Variants in DNAH8 observed in about 807,000 individuals in gnomAD.
The protein encoded by DNAH8 is dynein axonemal heavy chain 8.
In DNAH8, 382 loss-of-function variants were observed where a neutral mutation model predicts 562.1. The ratio of observed to expected loss-of-function variants is 0.68; its 90% CI spans 0.63 to 0.74. The LOEUF (loss-of-function observed/expected upper bound fraction) is 0.74. Among genes scored for constraint, DNAH8 ranks in the 30% least tolerant of loss-of-function variants. The pLI, the probability that DNAH8 is intolerant of heterozygous loss-of-function variation, is 0.00. For missense variants in DNAH8, 5,203 were observed against 5,620.4 expected, an observed-to-expected ratio of 0.93 and a Z score of 2.37; for synonymous variants, 1,881 against 1,919.4, an observed-to-expected ratio of 0.98 and a Z score of 0.52.
chr6:38,840,969 T>C (rs1774730699), intron 33 of DNAH8, among the ~76,000 whole-genome samples: 1 of 152,220 alleles, frequency 6.6e-6, no homozygotes, highest in Non-Finnish European at 1.5e-5. Flanking sequence ...TCTTATTTTT[T>C]TTAGTCATTT....
rs566267166 is a variant in DNAH8, at chr6:38,733,782, G to A, written c.611-692G>A. On this transcript the variant is annotated intron_variant, in intron 4 of 92. Coordinates refer to ENST00000327475, the MANE Select transcript of DNAH8 (RefSeq NM_001206927.2). ...AAGAATTAGCCAGGCATGATGGCGCGTGCTTGTAATCCCAGCTACTTGGGA... is the reference window on the plus strand; with the variant it reads ...AAGAATTAGCCAGGCATGATGGCGCATGCTTGTAATCCCAGCTACTTGGGA... Among the ~76,000 whole-genome samples, 22 of 151,946 alleles carry A rather than the reference G, an allele frequency of 1.4e-4. No individual in the cohort carries two copies. In the South Asian group the frequency reaches 3.5e-3, roughly 24 times the overall value.
intron 85 of DNAH8, among the ~76,000 whole-genome samples, chr6:38,981,536 G>A (rs1005096431): frequency 2.6e-5 from 4 of 152,184 alleles, no homozygotes; most frequent in Non-Finnish European, 4.4e-5. Flanking sequence ...AGACAGACAC[G>A]TCATGTATAC....
At chr6:38,948,332 A>C (rs1243466801) in intron 80 of DNAH8, among the ~76,000 whole-genome samples, 2 of 151,452 alleles carry the variant, frequency 1.3e-5, no homozygotes, top group Non-Finnish European at 2.9e-5. Context: ...TTTTAATTTT[A>C]ATTTTTTTAT....
intron 59 of DNAH8, 85 bp downstream of exon 59, chr6:38,894,949 A>G (rs371023644): frequency 3.2e-5 from 44 of 1,368,324 alleles, no homozygotes; most frequent in South Asian, 3.0e-4. Context: ...TATTTTTGAG[A>G]TGGAGTTTTG....
chr6:38,855,256 A>G (rs1273629538), intron 41 of DNAH8, among the ~76,000 whole-genome samples: 5 of 152,142 alleles, frequency 3.3e-5, no homozygotes, highest in East Asian at 3.8e-4. Context: ...AAATGCAAAA[A>G]ATATAAAAGT....
At chr6:38,788,694 T>C (rs75117603) in intron 18 of DNAH8, among the ~76,000 whole-genome samples, 3,481 of 152,312 alleles carry the variant, frequency 0.023, 129 homozygotes, top group African/African-American at 0.076. Context: ...TTATCAGATA[T>C]ATGATTTGCA....
chr6:38,871,311 T>C (rs1232437986), intron 49 of DNAH8, among the ~76,000 whole-genome samples: 3 of 152,212 alleles, frequency 2.0e-5, no homozygotes, highest in Non-Finnish European at 4.4e-5. Context: ...CAAAGAAATA[T>C]GTGCATGGGG....
intron 18 of DNAH8, among the ~76,000 whole-genome samples, chr6:38,788,960 G>A (rs765061451): frequency 6.6e-6 from 1 of 152,078 alleles, no homozygotes; most frequent in Non-Finnish European, 1.5e-5. Flanking sequence ...GAGTAACGTT[G>A]GTATTGTGGA....
At chr6:38,761,509 TGGCTTTGAACTTCTG>T (rs1766512813) in intron 10 of DNAH8, among the ~76,000 whole-genome samples, 178 bp from the exon 11 acceptor site, 1 of 151,902 alleles carries the variant, frequency 6.6e-6, no homozygotes, top group East Asian at 1.9e-4. Context: ...TTTCCCAGGC[TGGCTTTGAACTTCTG>T]GGCTCAAGTT....
At chr6:38,866,147 G>A (rs1256704589) in intron 45 of DNAH8, among the ~76,000 whole-genome samples, 2 of 152,056 alleles carry the variant, frequency 1.3e-5, no homozygotes, top group African/African-American at 4.8e-5. Context: ...AACTGTGGCT[G>A]CAAAGAATAA....
chr6:39,009,673 C>G (rs1191121854), intron 89 of DNAH8, among the ~76,000 whole-genome samples: 5 of 152,114 alleles, frequency 3.3e-5, no homozygotes, highest in Non-Finnish European at 5.9e-5. Context: ...AGCTAAGTGG[C>G]AGAGCAAGAA....
chr6:38,857,554 G>A lies in DNAH8; in HGVS notation c.5770G>A (p.Asp1924Asn), dbSNP rs267601015. ...LLGIQMLWTHDSEEALRNAKD... is the reference protein window; with the variant it reads ...LLGIQMLWTHNSEEALRNAKD... Reference sequence around the variant, plus strand: ...GGGAATTCAGATGTTGTGGACACACGATTCAGAAGAGGCTTTACGTAATGC... The same window carrying A: ...GGGAATTCAGATGTTGTGGACACACAATTCAGAAGAGGCTTTACGTAATGC... The change falls in exon 42 of 93, where the codon GAT becomes AAT. Residue 1924 changes from aspartate to asparagine, a missense_variant. By Grantham distance (23) the Asp-to-Asn change is conservative. This residue lies in a region of DNAH8 where 2,176 missense variants were observed against 2,365.1 expected (regional missense o/e 0.92). Coordinates refer to ENST00000327475, the MANE Select transcript of DNAH8 (RefSeq NM_001206927.2). 3.1e-6 allele frequency: 5 copies of A among 1,613,512 alleles called. No individual in the cohort carries two copies. The highest frequency in any genetic ancestry group is 1.7e-5 in the Admixed American group (1 of 59,958).
At chr6:38,752,208 G>A (rs186119487) in intron 9 of DNAH8, among the ~76,000 whole-genome samples, 1 of 150,466 alleles carries the variant, frequency 6.6e-6, no homozygotes, top group East Asian at 2.0e-4. Context: ...CTGTCACCCA[G>A]GCTGGAGTGC....
chr6:38,949,611 A>G, intron 81 of DNAH8, 41 bp downstream of exon 81: 3 of 1,150,886 alleles, frequency 2.6e-6, no homozygotes, highest in Non-Finnish European at 3.9e-6. Context: ...ATCACTCATA[A>G]TATTGCTAAA....
intron 17 of DNAH8, among the ~76,000 whole-genome samples, chr6:38,783,828 T>C (rs1311723182): frequency 6.6e-6 from 1 of 152,222 alleles, no homozygotes; most frequent in Non-Finnish European, 1.5e-5. Context: ...TAAACTCTTA[T>C]ACGTGACCTT....
chr6:38,990,387 C>T (rs981664286), intron 88 of DNAH8, among the ~76,000 whole-genome samples: 10 of 152,116 alleles, frequency 6.6e-5, no homozygotes, highest in African/African-American at 1.4e-4. Flanking sequence ...TTTATGACAA[C>T]GTTAAGCTCT....
rs750365801 is a variant in DNAH8, at chr6:38,761,718, T to A, written c.1532T>A (p.Val511Glu). 1 of 1,532,662 alleles carries A rather than the reference T, an allele frequency of 6.5e-7. No homozygotes were observed. The highest frequency in any genetic ancestry group is 1.2e-5 in the South Asian group (1 of 80,282). 94.9% of individuals were successfully genotyped at this position (1,532,662 alleles called of 1,614,324 possible). Residue 511 changes from valine (V) to glutamate (E), a missense_variant, in exon 11 of 93, where the codon GTA becomes GAA. Physicochemically the swap from Val to Glu is moderately radical, Grantham distance 121. This residue lies in a region of DNAH8 where 2,176 missense variants were observed against 2,365.1 expected (regional missense o/e 0.92). Coordinates refer to ENST00000327475, the MANE Select transcript of DNAH8 (RefSeq NM_001206927.2). Reference sequence around the variant, plus strand: ...TTATTTCAGGTAACAAATCAAATGGTAACAGCATGTAAAGCATATATTACT... The same window carrying A: ...TTATTTCAGGTAACAAATCAAATGGAAACAGCATGTAAAGCATATATTACT... Reference protein sequence around the residue: ...SLFIKVTNQMVTACKAYITDG... With the variant: ...SLFIKVTNQMETACKAYITDG...
intron 88 of DNAH8, among the ~76,000 whole-genome samples, chr6:38,996,035 C>G (rs892042268): frequency 6.6e-6 from 1 of 152,206 alleles, no homozygotes; most frequent in Admixed American, 6.5e-5. Flanking sequence ...GCCAGAGGCT[C>G]CTCTTCACAG....
chr6:38,956,483 C>G (rs1561912363), intron 82 of DNAH8, among the ~76,000 whole-genome samples: 2 of 152,154 alleles, frequency 1.3e-5, no homozygotes, highest in Admixed American at 1.3e-4. Context: ...ATGAGGTGGG[C>G]TTGCCAGCTC....
Sources: allele counts gnomAD v4.1 joint callset (sites outside exome capture counted in the v4.1 genomes callset), GRCh38; gene constraint gnomAD v4.1.1; regional missense constraint gnomAD v4.1.1; transcripts MANE v1.5; gene names NCBI Gene and HGNC (gene_info 2026-07-23, HGNC 2026-07-21).